Variants in BFAR observed in about 807,000 individuals in gnomAD.
The protein encoded by BFAR is bifunctional apoptosis regulator.
Under a neutral mutation model 54.4 loss-of-function variants are expected in BFAR, and 52 were observed. The observed-to-expected ratio is 0.96, with a 90% CI of 0.77 to 1.21. The LOEUF (loss-of-function observed/expected upper bound fraction) is 1.21, where lower values mean the gene tolerates loss of function less well. Ranked by LOEUF, BFAR falls within the 50% of genes most tolerant of loss-of-function variation. The probability of loss-of-function intolerance (pLI) is 0.00; values close to 1 mark genes in which losing one functional copy is unlikely to be tolerated. For synonymous variants in BFAR, 215 were observed against 204.3 expected, an observed-to-expected ratio of 1.05 and a Z score of -0.45; for missense variants, 571 against 534.0, an observed-to-expected ratio of 1.07 and a Z score of -0.68.
In BFAR at chr16:14,635,651, GCTAGTCAC is replaced by G. The variant is rs1282853434; in HGVS notation, c.-74+2636_-74+2643del. ...AGGCAGCAAGTCAGCATCTAGAGGA[GCTAGTCAC>G]CTTTGCTCCACTGGTTTCTGACCCT... is the stretch of plus-strand genomic sequence containing the variant. On this transcript the variant is annotated intron_variant, in intron 1 of 7. Transcript: ENST00000261658. Among the ~76,000 whole-genome samples the G allele has an allele frequency of 3.3e-5, 5 of 152,180 alleles. No homozygotes were observed. In the South Asian group the frequency reaches 1.0e-3, roughly 32 times the overall value.
intron 1 of BFAR, among the ~76,000 whole-genome samples, chr16:14,640,447 C>A (rs997560505): frequency 1.3e-5 from 2 of 151,778 alleles, no homozygotes; most frequent in Admixed American, 1.3e-4. Flanking sequence ...ATTGCCAGAT[C>A]TCTGGGTTTT....
chr16:14,650,007 A>G (rs1406309833), intron 4 of BFAR, 34 bp downstream of exon 4: 1 of 1,562,484 alleles, frequency 6.4e-7, no homozygotes, highest in African/African-American at 1.4e-5. Flanking sequence ...CACCGTGGAC[A>G]TTTTAGAAAA....
intron 5 of BFAR, among the ~76,000 whole-genome samples, chr16:14,661,075 A>C (rs1203458443): frequency 6.6e-6 from 1 of 152,092 alleles, no homozygotes; most frequent in African/African-American, 2.4e-5. Flanking sequence ...GTAAACATTC[A>C]CTGTAGTAAA....
intron 7 of BFAR, among the ~76,000 whole-genome samples, chr16:14,665,405 G>C (rs1026754641): frequency 1.3e-5 from 2 of 152,172 alleles, no homozygotes; most frequent in Non-Finnish European, 2.9e-5. Context: ...AGGTAGGCAG[G>C]CCTGTGCAAA....
At chr16:14,652,696 T>G (rs1055181457) in intron 4 of BFAR, among the ~76,000 whole-genome samples, 3 of 152,204 alleles carry the variant, frequency 2.0e-5, no homozygotes, top group Admixed American at 1.3e-4. Context: ...TCCAGATGTT[T>G]CAGTACTTAC....
chr16:14,643,595 T>G (rs1424310213), intron 1 of BFAR, among the ~76,000 whole-genome samples: 5 of 152,048 alleles, frequency 3.3e-5, no homozygotes, highest in African/African-American at 4.8e-5. Context: ...GTGGCGAAAC[T>G]GCATCTCTAC....
At position 14,644,319 on chromosome 16, in the gene BFAR, G is replaced by T; in HGVS notation, c.-28G>T. 3.2e-6 allele frequency: 5 copies of T among 1,573,638 alleles called. No individual in the cohort carries two copies. Among genetic ancestry groups the T allele is most frequent in the Middle Eastern group, 1.7e-4 (1 of 5,902 alleles). ...GTTTTCTACGTCTGAAATTTTTTAT[G>T]TCTCTGGAACCCAGAATTTGCTAAG... On this transcript the variant is annotated 5_prime_UTR_variant, in exon 2 of 8. It removes an upstream start codon present in the reference 5' UTR. Transcript: ENST00000261658.
At chr16:14,655,302 G>C (rs932868970) in intron 5 of BFAR, 92 bp downstream of exon 5, 27 of 962,250 alleles carry the variant, frequency 2.8e-5, no homozygotes, top group African/African-American at 6.3e-5. Context: ...TTTTATTTTT[G>C]ACAGTTTATG....
intron 7 of BFAR, among the ~76,000 whole-genome samples, chr16:14,666,620 C>G (rs1435021543): frequency 1.3e-5 from 2 of 152,062 alleles, no homozygotes; most frequent in East Asian, 3.8e-4. Flanking sequence ...AAGGGACAGG[C>G]AGAAGTAACA....
chr16:14,662,801 C>T (rs530453409), intron 6 of BFAR, among the ~76,000 whole-genome samples: 1 of 152,272 alleles, frequency 6.6e-6, no homozygotes, highest in South Asian at 2.1e-4. Context: ...CCCTCAGACA[C>T]CGAGTTAAAG....
In BFAR at chr16:14,649,785, C is replaced by A. The variant is rs370798120; in HGVS notation, c.469-19C>A. On this transcript the variant is annotated intron_variant, in intron 3 of 7. Coordinates refer to ENST00000261658, the MANE Select transcript of BFAR (RefSeq NM_016561.3). The stretch of plus-strand genomic sequence containing the variant: ...TCTCTGCCTCTCCATGGTTTAAAGT[C>A]CCTGTCACTTTTCCCCAGGTGGTCC... The A allele has an allele frequency of 6.3e-5, 99 of 1,579,020 alleles. No homozygotes were observed. The highest frequency in any genetic ancestry group is 8.3e-5 in the Non-Finnish European group (96 of 1,158,980).
chr16:14,637,485 G>A (rs1244895531), intron 1 of BFAR, among the ~76,000 whole-genome samples: 1 of 152,088 alleles, frequency 6.6e-6, no homozygotes, highest in East Asian at 1.9e-4. Flanking sequence ...GAACATGGTA[G>A]TAATGCTTAT....
At chr16:14,644,748 C>T in intron 2 of BFAR, 139 bp downstream of exon 2, 4 of 1,084,720 alleles carry the variant, frequency 3.7e-6, no homozygotes, top group Non-Finnish European at 5.2e-6. Context: ...CTCAAGTGAT[C>T]CTCCCACTTC....
chr16:14,649,457 T>TA (rs1394913473), intron 3 of BFAR, among the ~76,000 whole-genome samples: 3 of 152,184 alleles, frequency 2.0e-5, no homozygotes, highest in Admixed American at 6.5e-5. Flanking sequence ...GTTCTGTGCA[T>TA]AAAAAATCTA....
At chr16:14,642,927 G>A (rs1386074477) in intron 1 of BFAR, among the ~76,000 whole-genome samples, 1 of 152,170 alleles carries the variant, frequency 6.6e-6, no homozygotes, top group South Asian at 2.1e-4. Context: ...TGTAATCCCA[G>A]CACTTTGATA....
At chr16:14,637,207 A>C (rs1028339472) in intron 1 of BFAR, among the ~76,000 whole-genome samples, 16 of 151,946 alleles carry the variant, frequency 1.1e-4, no homozygotes, top group Admixed American at 1.1e-3. Context: ...TGTGTGGTCA[A>C]ATGCTAGTTT....
intron 5 of BFAR, among the ~76,000 whole-genome samples, chr16:14,657,606 G>A (rs749893228): frequency 1.1e-4 from 17 of 151,130 alleles, no homozygotes; most frequent in Non-Finnish European, 2.4e-4. Flanking sequence ...GCAGTGGTGC[G>A]ACCTTAGCTC....
chr16:14,650,973 T>C lies in BFAR; in HGVS notation c.638+1000T>C, dbSNP rs571634269. On this transcript the variant is annotated intron_variant, in intron 4 of 7. Coordinates refer to ENST00000261658, the MANE Select transcript of BFAR (RefSeq NM_016561.3). Reference sequence around the variant, plus strand: ...TTAAATTTCTTTGTTGCTTCCGGATTATCAAATTGTGTAAGGAAAAATTCT... The same window carrying C: ...TTAAATTTCTTTGTTGCTTCCGGATCATCAAATTGTGTAAGGAAAAATTCT... 3.9e-5 allele frequency among the ~76,000 whole-genome samples: 6 copies of C among 152,298 alleles called. No homozygotes were observed. The East Asian group carries it at 1.2e-3, about 29-fold the overall frequency.
chr16:14,649,125 G>C (rs1363082429), intron 3 of BFAR, among the ~76,000 whole-genome samples: 1 of 139,882 alleles, frequency 7.1e-6, no homozygotes, highest in Non-Finnish European at 1.5e-5. Context: ...GCCTAGGCTA[G>C]AGTGCGGTGG....
Sources: gnomAD v4.1 joint callset for allele counts (sites outside exome capture counted in the v4.1 genomes callset) on GRCh38, gnomAD v4.1.1 for gene constraint, MANE v1.5 for transcripts, NCBI Gene and HGNC (gene_info 2026-07-23, HGNC 2026-07-21) for gene names.